Variants in DYNLL2 observed in about 807,000 individuals in gnomAD.
DYNLL2 encodes dynein light chain 2, cytoplasmic.
In DYNLL2, 1 loss-of-function variant was observed where a neutral mutation model predicts 9.7. That is an observed-to-expected ratio of 0.10 (90% CI 0.04 to 0.49). The LOEUF is 0.49. Among genes scored for constraint, DYNLL2 ranks in the 20% least tolerant of loss-of-function variants. The pLI is 0.95. For missense variants in DYNLL2, 37 were observed against 115.2 expected, an observed-to-expected ratio of 0.32 and a Z score of 3.11; for synonymous variants, 35 against 40.5, an observed-to-expected ratio of 0.86 and a Z score of 0.52.
chr17:58,087,340 C>T, intron 2 of DYNLL2, 118 bp downstream of exon 2: 7 of 1,411,356 alleles, frequency 5.0e-6, no homozygotes, highest in Non-Finnish European at 5.7e-6. Context: ...CAAGCAAAAC[C>T]CTAGGAACTT....
chr17:58,093,982 CA>C lies in DYNLL2; in HGVS notation c.*4704del, dbSNP rs2075789393. On this transcript the variant is annotated 3_prime_UTR_variant, in exon 3 of 3. Coordinates refer to ENST00000579991, the MANE Select transcript of DYNLL2 (RefSeq NM_080677.3). Reference sequence around the variant, plus strand: ...CTGCTACTGTGCCAATATAGAGGTTCATAAGAAAGATAAAAGAGAACCAGCA... The same window carrying C: ...CTGCTACTGTGCCAATATAGAGGTTCTAAGAAAGATAAAAGAGAACCAGCA... 1 of 152,164 alleles carries C rather than the reference CA, an allele frequency of 6.6e-6. No homozygotes were observed. 9.4% of individuals were successfully genotyped at this position (152,164 alleles called of 1,614,324 possible).
rs2143598191 is a variant in DYNLL2 at position 58,089,574 on chromosome 17, C to T, written c.*295C>T. On this transcript the variant is annotated 3_prime_UTR_variant, in exon 3 of 3. Transcript: ENST00000579991. The stretch of plus-strand genomic sequence containing the variant: ...ACCTCTCCCTTTTCTCTTTCTTTCC[C>T]TATACAAAATAAAAGGCCCACCATA... 2.2e-6 allele frequency: 1 copy of T among 451,722 alleles called. No homozygotes were observed. The highest frequency in any genetic ancestry group is 4.2e-5 in the Admixed American group (1 of 23,952). 28.0% of individuals were successfully genotyped at this position (451,722 alleles called of 1,614,324 possible). A position where few individuals can be genotyped will look rare whatever the true frequency, so the allele number is the denominator to read the frequency against.
intron 1 of DYNLL2, among the ~76,000 whole-genome samples, chr17:58,084,602 G>A (rs1394952310): frequency 1.3e-5 from 2 of 152,168 alleles, no homozygotes; most frequent in Non-Finnish European, 2.9e-5. Context: ...GGTGGTAGGG[G>A]TTGGGCTTCA....
In DYNLL2 at chr17:58,089,286, A is replaced by G. The variant is rs200481800; in HGVS notation, c.*7A>G. On this transcript the variant is annotated 3_prime_UTR_variant, in exon 3 of 3. Transcript: ENST00000579991. Reference sequence around the variant, plus strand: ...CCTCTTCAAGTCAGGCTAGGTGGCCATGGTGAAGGTGTCAGTGGCGGCGGC... The same window carrying G: ...CCTCTTCAAGTCAGGCTAGGTGGCCGTGGTGAAGGTGTCAGTGGCGGCGGC... 77 of 1,611,910 alleles carry G rather than the reference A, an allele frequency of 4.8e-5. No individual in the cohort carries two copies. The African/African-American group carries it at 9.3e-4, about 20-fold the overall frequency.
In DYNLL2 at chr17:58,091,725, T is replaced by G. The variant is rs765911252; in HGVS notation, c.*2446T>G. The G allele has an allele frequency of 1.3e-5, 2 of 152,230 alleles. No homozygotes were observed. Among genetic ancestry groups the G allele is most frequent in the Non-Finnish European group, 2.9e-5 (2 of 68,046 alleles). 9.4% of individuals were successfully genotyped at this position (152,230 alleles called of 1,614,324 possible). On this transcript the variant is annotated 3_prime_UTR_variant, in exon 3 of 3. Coordinates refer to ENST00000579991, the MANE Select transcript of DYNLL2 (RefSeq NM_080677.3). ...AACCTAAGTGATTCTCTGAATCCTC[T>G]GTTGCCCAGACACACAACTCGAGAA... is the stretch of plus-strand genomic sequence containing the variant.
rs1309472058 is a variant in DYNLL2 at position 58,094,128 on chromosome 17, A to G, written c.*4849A>G. 6.6e-6 allele frequency: 1 copy of G among 152,176 alleles called. No homozygotes were observed. Among genetic ancestry groups the G allele is most frequent in the Non-Finnish European group, 1.5e-5 (1 of 68,050 alleles). 9.4% of individuals were successfully genotyped at this position (152,176 alleles called of 1,614,324 possible). The stretch of plus-strand genomic sequence containing the variant: ...CTAGAGAGAATGCAAACATGCAAAA[A>G]CAGTGTGGTAGTGTAGGCAGAACAA... On this transcript the variant is annotated 3_prime_UTR_variant, in exon 3 of 3. Coordinates refer to ENST00000579991, the MANE Select transcript of DYNLL2 (RefSeq NM_080677.3).
At chr17:58,088,769 G>C (rs1699998962) in intron 2 of DYNLL2, among the ~76,000 whole-genome samples, 1 of 152,136 alleles carries the variant, frequency 6.6e-6, no homozygotes, top group African/African-American at 2.4e-5. Flanking sequence ...TGTGTCATGT[G>C]TTTGACAAAT....
Position 58,094,670 on chromosome 17 carries a change from T to C in DYNLL2, c.*5391T>C, listed in dbSNP as rs981051708. The C allele has an allele frequency of 6.6e-6, 1 of 152,224 alleles. No homozygotes were observed. Among genetic ancestry groups the C allele is most frequent in the Non-Finnish European group, 1.5e-5 (1 of 68,052 alleles). 9.4% of individuals were successfully genotyped at this position (152,224 alleles called of 1,614,324 possible). ...ATACAGTTCAGCAGTTTTTAGCATA[T>C]ACACGAATTTGTGCAGCCATAACCA... On this transcript the variant is annotated 3_prime_UTR_variant, in exon 3 of 3. Coordinates refer to ENST00000579991, the MANE Select transcript of DYNLL2 (RefSeq NM_080677.3).
rs1203504522 is a variant in DYNLL2, at chr17:58,093,825, T to C, written c.*4546T>C. 1 of 151,976 alleles carries C rather than the reference T, an allele frequency of 6.6e-6. No homozygotes were observed. The highest frequency in any genetic ancestry group is 1.5e-5 in the Non-Finnish European group (1 of 68,024). 9.4% of individuals were successfully genotyped at this position (151,976 alleles called of 1,614,324 possible). A position where few individuals can be genotyped will look rare whatever the true frequency, so the allele number is the denominator to read the frequency against. On this transcript the variant is annotated 3_prime_UTR_variant, in exon 3 of 3. Coordinates refer to ENST00000579991, the MANE Select transcript of DYNLL2 (RefSeq NM_080677.3). Reference sequence around the variant, plus strand: ...TTGGGCCTCCCCTAAACAAAAAGCATAGCCCCTTCACTACCCTAGTAACAA... The same window carrying C: ...TTGGGCCTCCCCTAAACAAAAAGCACAGCCCCTTCACTACCCTAGTAACAA...
Position 58,090,566 on chromosome 17 carries a change from A to C in DYNLL2, c.*1287A>C, listed in dbSNP as rs540877569. The C allele has an allele frequency of 6.6e-6, 1 of 152,454 alleles. No individual in the cohort carries two copies. Among genetic ancestry groups the C allele is most frequent in the South Asian group, 2.1e-4 (1 of 4,798 alleles). The allele number at this position is 152,454 out of a possible 1,614,324, so 9.4% of individuals were successfully genotyped here. A position where few individuals can be genotyped will look rare whatever the true frequency, so the allele number is the denominator to read the frequency against. On this transcript the variant is annotated 3_prime_UTR_variant, in exon 3 of 3. Coordinates refer to ENST00000579991, the MANE Select transcript of DYNLL2 (RefSeq NM_080677.3). ...AGGGACAGTGACTGTGGATGGTTGCAGTCTCTGGTGGGAGGTGAGGATAGA... is the reference window on the plus strand; with the variant it reads ...AGGGACAGTGACTGTGGATGGTTGCCGTCTCTGGTGGGAGGTGAGGATAGA...
intron 2 of DYNLL2, among the ~76,000 whole-genome samples, chr17:58,088,257 A>G (rs1365216152): frequency 6.6e-6 from 1 of 152,216 alleles, no homozygotes; most frequent in East Asian, 1.9e-4. Context: ...TGTATTACAC[A>G]TAGTCTTGAG....
rs758007196 is a variant in DYNLL2 at position 58,087,265 on chromosome 17, G to C, written c.132+43G>C. ...GGACTGATGGCCAGGGGTGGGGATCGACAGCTGAGCTAACCTCCAGGGAGA... is the reference window on the plus strand; with the variant it reads ...GGACTGATGGCCAGGGGTGGGGATCCACAGCTGAGCTAACCTCCAGGGAGA... On this transcript the variant is annotated intron_variant, in intron 2 of 2. Transcript: ENST00000579991. 4.4e-6 allele frequency: 7 copies of C among 1,609,100 alleles called. No individual in the cohort carries two copies. The Admixed American group carries it at 1.2e-4, about 27-fold the overall frequency.
At chr17:58,088,458 T>C (rs1394987791) in intron 2 of DYNLL2, among the ~76,000 whole-genome samples, 2 of 152,200 alleles carry the variant, frequency 1.3e-5, no homozygotes, top group African/African-American at 4.8e-5. Flanking sequence ...CTTCTAGAAC[T>C]GAGTCTGCAG....
rs2075772226 is a variant in DYNLL2 at position 58,089,437 on chromosome 17, CAA to C, written c.*161_*162del. The C allele has an allele frequency of 1.1e-6, 1 of 897,548 alleles. No individual in the cohort carries two copies. Among genetic ancestry groups the C allele is most frequent in the South Asian group, 2.3e-5 (1 of 43,888 alleles). The allele number at this position is 897,548 out of a possible 1,614,324, so 55.6% of individuals were successfully genotyped here. Reference sequence around the variant, plus strand: ...GATTTCATGTGTATGTCGCAGTAAACAAAACCAAACCTCTTTCTGTTTAGTTG... The same window carrying C: ...GATTTCATGTGTATGTCGCAGTAAACAACCAAACCTCTTTCTGTTTAGTTG... On this transcript the variant is annotated 3_prime_UTR_variant, in exon 3 of 3. Coordinates refer to ENST00000579991, the MANE Select transcript of DYNLL2 (RefSeq NM_080677.3).
At chr17:58,085,250 A>C (rs1407244560) in intron 1 of DYNLL2, among the ~76,000 whole-genome samples, 1 of 152,110 alleles carries the variant, frequency 6.6e-6, no homozygotes, top group Non-Finnish European at 1.5e-5. Flanking sequence ...GGGGCCTTGG[A>C]TGCGGTCAAG....
rs961018344 is a variant in DYNLL2 at position 58,095,033 on chromosome 17, G to A, written c.*5754G>A. ...GTTGTTTCTACTTTTTGACTATTGTGATTAGTGCTGCTATGAACATTGATG... is the reference window on the plus strand; with the variant it reads ...GTTGTTTCTACTTTTTGACTATTGTAATTAGTGCTGCTATGAACATTGATG... On this transcript the variant is annotated 3_prime_UTR_variant, in exon 3 of 3. Transcript: ENST00000579991. 1 of 152,104 alleles carries A rather than the reference G, an allele frequency of 6.6e-6. No individual in the cohort carries two copies. The highest frequency in any genetic ancestry group is 2.4e-5 in the African/African-American group (1 of 41,404). The allele number at this position is 152,104 out of a possible 1,614,324, so 9.4% of individuals were successfully genotyped here. A position where few individuals can be genotyped will look rare whatever the true frequency, so the allele number is the denominator to read the frequency against.
intron 2 of DYNLL2, 35 bp downstream of exon 2, chr17:58,087,257 T>G: frequency 6.2e-7 from 1 of 1,610,108 alleles, no homozygotes; most frequent in Non-Finnish European, 8.5e-7. Context: ...TGGCCAGGGG[T>G]GGGGATCGAC....
In DYNLL2 at chr17:58,089,478, G is replaced by T; in HGVS notation, c.*199G>T. 1 of 603,856 alleles carries T rather than the reference G, an allele frequency of 1.7e-6. No individual in the cohort carries two copies. The highest frequency in any genetic ancestry group is 2.6e-6 in the Non-Finnish European group (1 of 380,098). The allele number at this position is 603,856 out of a possible 1,614,324, so 37.4% of individuals were successfully genotyped here. On this transcript the variant is annotated 3_prime_UTR_variant, in exon 3 of 3. Coordinates refer to ENST00000579991, the MANE Select transcript of DYNLL2 (RefSeq NM_080677.3). Reference sequence around the variant, plus strand: ...TCTGTTTAGTTGCCTGGGGGAAGAAGGCTGCTTTATGTTTATTTTTCAAGA... The same window carrying T: ...TCTGTTTAGTTGCCTGGGGGAAGAATGCTGCTTTATGTTTATTTTTCAAGA...
rs2075782389 is a variant in DYNLL2 at position 58,092,143 on chromosome 17, C to T, written c.*2864C>T. On this transcript the variant is annotated 3_prime_UTR_variant, in exon 3 of 3. Coordinates refer to ENST00000579991, the MANE Select transcript of DYNLL2 (RefSeq NM_080677.3). The stretch of plus-strand genomic sequence containing the variant: ...CTGATCTTGGGGAGAAGTTCTACCT[C>T]TGGGGCAGTGAGGTCCTAAGGGATT... 6.6e-6 allele frequency: 1 copy of T among 152,192 alleles called. No homozygotes were observed. The highest frequency in any genetic ancestry group is 2.1e-4 in the South Asian group (1 of 4,822). 9.4% of individuals were successfully genotyped at this position (152,192 alleles called of 1,614,324 possible). A position where few individuals can be genotyped will look rare whatever the true frequency, so the allele number is the denominator to read the frequency against.
Sources: allele counts gnomAD v4.1 joint callset (sites outside exome capture counted in the v4.1 genomes callset), GRCh38; gene constraint gnomAD v4.1.1; transcripts MANE v1.5; gene names NCBI Gene and HGNC (gene_info 2026-07-23, HGNC 2026-07-21).